Variants in SHISA9 observed in about 807,000 individuals in gnomAD.
The protein encoded by SHISA9 is shisa family member 9.
SHISA9 carries 13 observed loss-of-function variants against 38.0 expected under a neutral mutation model. The observed-to-expected ratio is 0.34, with a 90% confidence interval of 0.22 to 0.54. The LOEUF (loss-of-function observed/expected upper bound fraction) is 0.54, where lower values mean the gene tolerates loss of function less well. SHISA9 is among the 20% of genes least tolerant of loss of function. The pLI, the probability that SHISA9 is intolerant of heterozygous loss-of-function variation, is 0.91. For synonymous variants in SHISA9, 275 were observed against 242.0 expected, an observed-to-expected ratio of 1.14 and a Z score of -1.27; for missense variants, 538 against 575.8, an observed-to-expected ratio of 0.93 and a Z score of 0.67.
At chr16:13,332,954 T>G in the SHISA9 span, among the ~76,000 whole-genome samples, 1 of 152,178 alleles carries the variant, frequency 6.6e-6, no homozygotes, top group Non-Finnish European at 1.5e-5. Flanking sequence ...TGGTCTGTCC[T>G]CTTTTGATTC....
intron 2 of SHISA9, 104 bp from the exon 3 acceptor site, chr16:13,203,290 T>C (rs1252598174): frequency 2.5e-6 from 3 of 1,186,482 alleles, no homozygotes; most frequent in African/African-American, 1.6e-5. Context: ...CTTGCGTCCC[T>C]AAAGGGTGGG....
the SHISA9 span, among the ~76,000 whole-genome samples, chr16:13,441,904 T>G: frequency 6.6e-6 from 1 of 152,250 alleles, no homozygotes; most frequent in Admixed American, 6.5e-5. Flanking sequence ...AGGGATGTGC[T>G]GAAAAGGTAA....
the SHISA9 span, among the ~76,000 whole-genome samples, chr16:13,292,165 C>T: frequency 2.6e-5 from 4 of 151,904 alleles, no homozygotes; most frequent in African/African-American, 7.2e-5. Context: ...CTAGGAAAAG[C>T]CAAAGATGAC....
chr16:13,461,301 C>T, the SHISA9 span, among the ~76,000 whole-genome samples: 1,805 of 152,284 alleles, frequency 0.012, 27 homozygotes, highest in African/African-American at 0.038. Context: ...GACTTACAGC[C>T]AAGCGCAGTG....
At chr16:12,921,759 C>G (rs4780482) in intron 2 of SHISA9, among the ~76,000 whole-genome samples, 18,149 of 152,058 alleles carry the variant, frequency 0.12, 1,319 homozygotes, top group South Asian at 0.28. Flanking sequence ...GAATGAAACT[C>G]TGTCTCTATT....
rs1056280827 is a variant in SHISA9, at chr16:13,239,932, C to G, written c.*4523C>G. ...GGACAACCTATGGAACTATCTGTGA[C>G]TTCCATGTACCAAGACAAGGACGCT... On this transcript the variant is annotated 3_prime_UTR_variant, in exon 5 of 5. Coordinates refer to ENST00000558583, the MANE Select transcript of SHISA9 (RefSeq NM_001145204.3). The G allele has an allele frequency of 6.6e-6, 1 of 152,218 alleles. No individual in the cohort carries two copies. The highest frequency in any genetic ancestry group is 6.5e-5 in the Admixed American group (1 of 15,278). 9.4% of individuals were successfully genotyped at this position (152,218 alleles called of 1,614,324 possible).
intron 2 of SHISA9, among the ~76,000 whole-genome samples, chr16:12,922,432 C>A (rs977211803): frequency 6.6e-6 from 1 of 152,252 alleles, no homozygotes; most frequent in Admixed American, 6.5e-5. Context: ...TTTCCTCTTT[C>A]ACCTCATACC....
At chr16:13,478,563 C>A in the SHISA9 span, among the ~76,000 whole-genome samples, 1 of 152,178 alleles carries the variant, frequency 6.6e-6, no homozygotes, top group Non-Finnish European at 1.5e-5. Flanking sequence ...AAGCATTGAA[C>A]TAGATCATCC....
the SHISA9 span, among the ~76,000 whole-genome samples, chr16:13,441,568 G>C: frequency 2.6e-5 from 4 of 152,156 alleles, no homozygotes; most frequent in Admixed American, 2.6e-4. Context: ...TTAAATGATG[G>C]TTGCTAGGTG....
chr16:13,366,777 A>G, the SHISA9 span, among the ~76,000 whole-genome samples: 4 of 152,086 alleles, frequency 2.6e-5, no homozygotes, highest in South Asian at 4.1e-4. Context: ...ACTTATGGTC[A>G]GTTGAGACCA....
At chr16:13,483,243 C>T in the SHISA9 span, among the ~76,000 whole-genome samples, 216 of 152,232 alleles carry the variant, frequency 1.4e-3, 2 homozygotes, top group African/African-American at 4.9e-3. Flanking sequence ...GTATGTTGGG[C>T]ACCATGAATC....
At chr16:13,338,825 C>A in the SHISA9 span, among the ~76,000 whole-genome samples, 1 of 152,076 alleles carries the variant, frequency 6.6e-6, no homozygotes. Flanking sequence ...GCAAAAGTCA[C>A]GATAATGGAA....
At chr16:12,982,474 G>A (rs1207189247) in intron 2 of SHISA9, among the ~76,000 whole-genome samples, 1 of 152,006 alleles carries the variant, frequency 6.6e-6, no homozygotes, top group Non-Finnish European at 1.5e-5. Flanking sequence ...TCACAAACTG[G>A]CCCTGCTTAC....
intron 2 of SHISA9, among the ~76,000 whole-genome samples, chr16:12,994,391 G>T (rs2072430399): frequency 6.6e-6 from 1 of 152,208 alleles, no homozygotes; most frequent in South Asian, 2.1e-4. Flanking sequence ...CTCCACTGAT[G>T]CTGGGCTTAG....
At chr16:13,417,843 A>C in the SHISA9 span, among the ~76,000 whole-genome samples, 1 of 152,200 alleles carries the variant, frequency 6.6e-6, no homozygotes, top group African/African-American at 2.4e-5. Context: ...TGGTGACCCT[A>C]TCAACATGCT....
chr16:13,159,484 C>G (rs2050577330), intron 2 of SHISA9, among the ~76,000 whole-genome samples: 2 of 152,188 alleles, frequency 1.3e-5, no homozygotes, highest in Non-Finnish European at 2.9e-5. Context: ...CTGTTTGGTT[C>G]TCAGGAGGAG....
At chr16:13,304,181 T>G in the SHISA9 span, among the ~76,000 whole-genome samples, 1 of 152,208 alleles carries the variant, frequency 6.6e-6, no homozygotes, top group Non-Finnish European at 1.5e-5. Context: ...ACTATTCTCC[T>G]CTATGGTTTT....
intron 2 of SHISA9, among the ~76,000 whole-genome samples, chr16:13,119,622 A>G (rs185812582): frequency 6.6e-6 from 1 of 152,348 alleles, no homozygotes; most frequent in Admixed American, 6.5e-5. Context: ...AATTATAATT[A>G]AGCTGTCACT....
the SHISA9 span, among the ~76,000 whole-genome samples, chr16:13,273,016 C>G: frequency 6.6e-6 from 1 of 152,146 alleles, no homozygotes; most frequent in Admixed American, 6.5e-5. Context: ...TGCAAAGCCA[C>G]AGAATTGGAG....
Sources: gnomAD v4.1 joint callset for allele counts (sites outside exome capture counted in the v4.1 genomes callset) on GRCh38, gnomAD v4.1.1 for gene constraint, MANE v1.5 for transcripts, NCBI Gene and HGNC (gene_info 2026-07-23, HGNC 2026-07-21) for gene names.